The following FBXL5 variants were observed in gnomAD, a reference collection of about 807,000 sequenced individuals.
FBXL5 encodes the protein F-box and leucine rich repeat protein 5, also known as F-box/LRR-repeat protein 5.
Under a neutral mutation model 78.3 loss-of-function variants are expected in FBXL5, and 26 were observed. The ratio of observed to expected loss-of-function variants is 0.33; its 90% CI spans 0.24 to 0.46. FBXL5 has a LOEUF of 0.46. FBXL5 is among the 20% of genes least tolerant of loss of function. The pLI is 1.00. For synonymous variants in FBXL5, 295 were observed against 282.5 expected, an observed-to-expected ratio of 1.04 and a Z score of -0.45; for missense variants, 710 against 829.2, an observed-to-expected ratio of 0.86 and a Z score of 1.77.
At chr4:15,649,092 T>C (rs1313178882) in intron 1 of FBXL5, among the ~76,000 whole-genome samples, 1 of 151,784 alleles carries the variant, frequency 6.6e-6, no homozygotes, top group Admixed American at 6.6e-5. Context: ...GTACAACAGG[T>C]TGAAGAAATA....
chr4:15,656,103 G>A (rs1050445427), upstream of FBXL5: 115 of 450,176 alleles, frequency 2.6e-4, 2 homozygotes, highest in South Asian at 1.6e-3. Flanking sequence ...CGCGGGTCAG[G>A]GATAGGCCCG....
chr4:15,674,638 G>A (rs1013223868), intron 1 of FBXL5, among the ~76,000 whole-genome samples: 1 of 149,396 alleles, frequency 6.7e-6, no homozygotes, highest in Middle Eastern at 3.5e-3. Flanking sequence ...GATTATCAAC[G>A]TTATGGGATT....
chr4:15,652,780 A>T (rs1408934049), intron 1 of FBXL5, among the ~76,000 whole-genome samples: 1 of 152,218 alleles, frequency 6.6e-6, no homozygotes, highest in African/African-American at 2.4e-5. Context: ...CTTCTTGATA[A>T]TAACTGGGCA....
rs181127103 is a variant in FBXL5, at chr4:15,672,579, A to T, written c.-284+8804T>A. Among the ~76,000 whole-genome samples, 91 of 152,342 alleles carry T rather than the reference A, an allele frequency of 6.0e-4. No homozygotes were observed. The Middle Eastern group carries it at 0.01, about 17-fold the overall frequency. ...ATAGTAAAAATACAGTATGAAAGAT[A>T]AAATGGTATACCTGTAAAGGGCACT... On this transcript the variant is annotated intron_variant, in intron 1 of 4. Coordinates refer to the FBXL5 transcript ENST00000507899.
chr4:15,646,049 A>T (rs1039727719), intron 1 of FBXL5, among the ~76,000 whole-genome samples: 2 of 152,228 alleles, frequency 1.3e-5, no homozygotes, highest in Non-Finnish European at 2.9e-5. Flanking sequence ...ATCTAGAGCA[A>T]GAATTGGCAA....
rs1714833049 is a variant in FBXL5, at chr4:15,641,151, T to C, written c.301-268A>G. Among the ~76,000 whole-genome samples the C allele has an allele frequency of 2.0e-5, 3 of 152,194 alleles. No individual in the cohort carries two copies. The South Asian group carries it at 6.2e-4, about 31-fold the overall frequency. On this transcript the variant is annotated intron_variant, in intron 2 of 10. Transcript: ENST00000341285. ...TGCCCACAGCTTTTATTGATGTATATATAAATTATATACATTTATATAATT... is the reference window on the plus strand; with the variant it reads ...TGCCCACAGCTTTTATTGATGTATACATAAATTATATACATTTATATAATT...
chr4:15,655,066 G>T, intron 1 of FBXL5, 138 bp downstream of exon 1: 1 of 558,112 alleles, frequency 1.8e-6, no homozygotes, highest in Non-Finnish European at 2.5e-6. Context: ...GGGCGGCGCT[G>T]ACAGCTGCGC....
At chr4:15,661,694 T>C (rs1717318610), upstream of FBXL5, among the ~76,000 whole-genome samples, 1 of 152,222 alleles carries the variant, frequency 6.6e-6, no homozygotes, top group African/African-American at 2.4e-5. Flanking sequence ...ACCCAAAACT[T>C]GAATGGCTTA....
chr4:15,663,518 CAG>C (rs905166326), upstream of FBXL5, among the ~76,000 whole-genome samples: 4 of 152,174 alleles, frequency 2.6e-5, no homozygotes, highest in Middle Eastern at 3.2e-3. Flanking sequence ...CAGGGTAAAA[CAG>C]AACCTCTTTT....
At chr4:15,642,482 C>T (rs111306548) in intron 2 of FBXL5, among the ~76,000 whole-genome samples, 2,447 of 152,048 alleles carry the variant, frequency 0.016, 67 homozygotes, top group African/African-American at 0.056. Context: ...GTGATCTGCC[C>T]GCCTCAGCCT....
At chr4:15,650,024 C>G (rs1715797290) in intron 1 of FBXL5, among the ~76,000 whole-genome samples, 1 of 152,146 alleles carries the variant, frequency 6.6e-6, no homozygotes, top group South Asian at 2.1e-4. Flanking sequence ...AACACTTGCT[C>G]TAAAGCAACA....
At chr4:15,613,276 T>C (rs988580912) in intron 9 of FBXL5, among the ~76,000 whole-genome samples, 2 of 152,200 alleles carry the variant, frequency 1.3e-5, no homozygotes, top group Admixed American at 6.5e-5. Context: ...TGGTGGATGG[T>C]TGAACAACCC....
chr4:15,670,914 C>CTTT (rs57312794), intron 1 of FBXL5, among the ~76,000 whole-genome samples: 1 of 54,180 alleles, frequency 1.8e-5, no homozygotes, highest in East Asian at 6.1e-4. Context: ...TGTGCGTAGA[C>CTTT]TTTTTTTTTT....
At chr4:15,610,406 T>C (rs1722169404) in intron 10 of FBXL5, among the ~76,000 whole-genome samples, 1 of 152,118 alleles carries the variant, frequency 6.6e-6, no homozygotes, top group Non-Finnish European at 1.5e-5. Context: ...GGAGAGTTAA[T>C]ATTGGATTAT....
At chr4:15,676,082 T>C (rs1171137614) in intron 1 of FBXL5, among the ~76,000 whole-genome samples, 1 of 152,154 alleles carries the variant, frequency 6.6e-6, no homozygotes, top group African/African-American at 2.4e-5. Flanking sequence ...AGCTTCTCCA[T>C]CTAAAACCAG....
At chr4:15,665,490 A>T (rs1046658977) in intron 1 of FBXL5, among the ~76,000 whole-genome samples, 1 of 152,110 alleles carries the variant, frequency 6.6e-6, no homozygotes, top group Non-Finnish European at 1.5e-5. Flanking sequence ...ATTTGGGACT[A>T]CCTTACAAAT....
chr4:15,628,159 C>A (rs1713255880), intron 6 of FBXL5, 126 bp from the exon 7 acceptor site: 10 of 917,726 alleles, frequency 1.1e-5, no homozygotes, highest in South Asian at 5.6e-5. Context: ...TGTAAACCAT[C>A]CCATTTTTAG....
intron 9 of FBXL5, among the ~76,000 whole-genome samples, chr4:15,621,938 C>A (rs1712526337): frequency 6.6e-6 from 1 of 152,188 alleles, no homozygotes; most frequent in South Asian, 2.1e-4. Context: ...AAGTCATCCT[C>A]CCACCTCAGC....
intron 10 of FBXL5, among the ~76,000 whole-genome samples, chr4:15,606,817 C>T (rs1178424500): frequency 6.6e-6 from 1 of 152,124 alleles, no homozygotes; most frequent in Non-Finnish European, 1.5e-5. Flanking sequence ...TGAAAAATCA[C>T]AGTACTCTGG....
Sources: allele counts gnomAD v4.1 joint callset (sites outside exome capture counted in the v4.1 genomes callset), GRCh38; gene constraint gnomAD v4.1.1; transcripts MANE v1.5; gene names NCBI Gene and HGNC (gene_info 2026-07-23, HGNC 2026-07-21).